Variants in INSR observed in about 807,000 individuals in gnomAD.
INSR encodes IR.
In INSR, 67 loss-of-function variants were observed where a neutral mutation model predicts 142.6. The ratio of observed to expected loss-of-function variants is 0.47; its 90% CI spans 0.39 to 0.58. INSR has a LOEUF of 0.58. Among genes scored for constraint, INSR ranks in the 20% least tolerant of loss-of-function variants. The probability of loss-of-function intolerance (pLI) is 0.00; values close to 1 mark genes in which losing one functional copy is unlikely to be tolerated. For missense variants in INSR, 1,248 were observed against 1,833.2 expected (o/e 0.68, Z 5.83); for synonymous variants, 756 against 743.1 (o/e 1.02, Z -0.28).
chr19:7,153,350 A>C, intron 9 of INSR, among the ~76,000 whole-genome samples: 2 of 2,770 alleles, frequency 7.2e-4, no homozygotes. Flanking sequence ...CACACCACAG[A>C]CCACACACCA....
At chr19:7,250,176 A>T (rs535988560) in intron 2 of INSR, among the ~76,000 whole-genome samples, 6 of 150,720 alleles carry the variant, frequency 4.0e-5, no homozygotes, top group Non-Finnish European at 8.9e-5. Flanking sequence ...GAAAGAAAGA[A>T]AAGAGAGGGA....
chr19:7,135,599 T>A (rs1197228261), intron 13 of INSR, among the ~76,000 whole-genome samples: 1 of 151,666 alleles, frequency 6.6e-6, no homozygotes, highest in Non-Finnish European at 1.5e-5. Flanking sequence ...AAAAAAATTT[T>A]TTTAACGGGA....
intron 3 of INSR, among the ~76,000 whole-genome samples, chr19:7,179,938 G>GA (rs1974231308): frequency 6.6e-6 from 1 of 152,184 alleles, no homozygotes; most frequent in South Asian, 2.1e-4. Flanking sequence ...TTGCAAACGT[G>GA]ATACAAGCTG....
chr19:7,141,568 G>T, intron 13 of INSR, 109 bp downstream of exon 13: 1 of 1,489,716 alleles, frequency 6.7e-7, no homozygotes. Context: ...AGTACCTGAT[G>T]AGAGAAGCAC....
chr19:7,185,146 A>G (rs567188388), intron 2 of INSR, among the ~76,000 whole-genome samples: 43 of 152,296 alleles, frequency 2.8e-4, no homozygotes, highest in African/African-American at 9.6e-4. Context: ...GTGAGTTTTG[A>G]GTATTTGTTA....
chr19:7,141,356 T>C (rs546897899), intron 13 of INSR, among the ~76,000 whole-genome samples: 36 of 152,254 alleles, frequency 2.4e-4, no homozygotes, highest in African/African-American at 7.9e-4. Flanking sequence ...TACCCAGCAA[T>C]TTATAAGGTT....
At chr19:7,169,415 CA>C (rs36098859) in intron 6 of INSR, among the ~76,000 whole-genome samples, 26 of 145,764 alleles carry the variant, frequency 1.8e-4, no homozygotes, top group Admixed American at 4.1e-4. Context: ...ACTAAAAATA[CA>C]AAAAAAAAAA....
chr19:7,288,914 G>C (rs1228070749), intron 1 of INSR, among the ~76,000 whole-genome samples: 1 of 129,676 alleles, frequency 7.7e-6, no homozygotes, highest in African/African-American at 3.0e-5. Flanking sequence ...AGTGAGCCAA[G>C]ATCATGCCAT....
chr19:7,252,022 G>A (rs1309551775), intron 2 of INSR, among the ~76,000 whole-genome samples: 1 of 152,040 alleles, frequency 6.6e-6, no homozygotes, highest in African/African-American at 2.4e-5. Flanking sequence ...GCCTGTAATT[G>A]TAGCACTTTG....
intron 1 of INSR, among the ~76,000 whole-genome samples, chr19:7,271,364 G>C (rs1003391837): frequency 2.6e-5 from 4 of 152,090 alleles, no homozygotes; most frequent in Admixed American, 2.6e-4. Flanking sequence ...GCTGGGCGTG[G>C]TGGCAGGCGC....
intron 2 of INSR, among the ~76,000 whole-genome samples, chr19:7,236,113 C>G (rs1156421609): frequency 6.6e-6 from 1 of 151,862 alleles, no homozygotes; most frequent in South Asian, 2.1e-4. Flanking sequence ...AGGTGCCCAC[C>G]ACCACACCCG....
chr19:7,232,157 C>T (rs1406077015), intron 2 of INSR, among the ~76,000 whole-genome samples: 2 of 152,060 alleles, frequency 1.3e-5, no homozygotes, highest in African/African-American at 4.8e-5. Flanking sequence ...TACACAGGTG[C>T]ATATATTTTT....
At chr19:7,147,855 GT>G (rs1367661484) in intron 11 of INSR, among the ~76,000 whole-genome samples, 2 of 152,014 alleles carry the variant, frequency 1.3e-5, no homozygotes, top group African/African-American at 2.4e-5. Context: ...GGCCAAATGA[GT>G]TTATATACCA....
intron 1 of INSR, among the ~76,000 whole-genome samples, chr19:7,290,055 A>G (rs1024922026): frequency 6.6e-5 from 10 of 152,180 alleles, no homozygotes; most frequent in African/African-American, 2.4e-4. Flanking sequence ...TGTGGTCTCT[A>G]TGCATGAATG....
In INSR at chr19:7,142,925, G is replaced by A. The variant is rs758546024; in HGVS notation, c.2433C>T (p.Gly811=). The change falls in exon 12 of 22, where the codon GGC becomes GGT. Residue 811 remains glycine (G), a synonymous_variant. Transcript: ENST00000302850. ...TGCGATAGCCCGTGAAGTGTCGCAAGCCGGAGATGACCAGCGACTCCTTGT... is the reference window on the plus strand; with the variant it reads ...TGCGATAGCCCGTGAAGTGTCGCAAACCGGAGATGACCAGCGACTCCTTGT... ...VVNKESLVIS[G]LRHFTGYRIE... is the part of the protein sequence containing the mutation. 55 of 1,614,038 alleles carry A rather than the reference G, an allele frequency of 3.4e-5. No individual in the cohort carries two copies. The highest frequency in any genetic ancestry group is 6.7e-5 in the Admixed American group (4 of 59,996).
intron 2 of INSR, among the ~76,000 whole-genome samples, chr19:7,263,296 A>C (rs1449221954): frequency 1.3e-5 from 2 of 152,150 alleles, no homozygotes; most frequent in African/African-American, 4.8e-5. Flanking sequence ...AAAAAAGTTA[A>C]GATGAAAAAT....
intron 2 of INSR, among the ~76,000 whole-genome samples, chr19:7,184,925 C>A (rs1454308444): frequency 1.3e-5 from 2 of 152,142 alleles, no homozygotes; most frequent in South Asian, 2.1e-4. Context: ...ATAGCATTTG[C>A]CGATTTCCAT....
At chr19:7,270,339 T>TCTCTCACACACACA (rs1414011806) in intron 1 of INSR, among the ~76,000 whole-genome samples, 2 of 120,248 alleles carry the variant, frequency 1.7e-5, no homozygotes, top group Non-Finnish European at 1.7e-5. Flanking sequence ...TCTCTCTCTC[T>TCTCTCACACACACA]CACACACACA....
rs777271464 is a variant in INSR, at chr19:7,143,038, C to G, written c.2320G>C (p.Val774Leu). ...TTGGGGAAAGCTGCCACCGTGGGCA[C>G]GGCCACCGTCACATTCCCAACATCG... ...LGDVGNVTVA[V>L]PTVAAFPNTS... Residue 774 changes from valine (V) to leucine (L), a missense_variant, in exon 12 of 22, where the codon GTG (valine) becomes CTG (leucine). Val to Leu is a conservative substitution (Grantham distance 32). This residue lies in a region of INSR where 1,069 missense variants were observed against 1,654.0 expected (regional missense o/e 0.65). Transcript: ENST00000302850. 6.2e-7 allele frequency: 1 copy of G among 1,614,096 alleles called. No homozygotes were observed. Among genetic ancestry groups the G allele is most frequent in the Non-Finnish European group, 8.5e-7 (1 of 1,180,056 alleles).
Sources: gnomAD v4.1 joint callset for allele counts (sites outside exome capture counted in the v4.1 genomes callset) on GRCh38, gnomAD v4.1.1 for gene constraint, gnomAD v4.1.1 regional missense constraint, MANE v1.5 for transcripts, NCBI Gene and HGNC (gene_info 2026-07-23, HGNC 2026-07-21) for gene names.